Variants in SLCO1C1 observed in about 807,000 individuals in gnomAD.
SLCO1C1 encodes the protein solute carrier organic anion transporter family member 1C1, also known as OAT-RP-5.
A neutral mutation model predicts 76.4 loss-of-function variants in SLCO1C1; 70 were observed. The observed-to-expected ratio is 0.92, with a 90% CI of 0.76 to 1.12. The LOEUF (loss-of-function observed/expected upper bound fraction) is 1.12, where lower values mean the gene tolerates loss of function less well. Ranked by LOEUF, SLCO1C1 falls within the 50% of genes most tolerant of loss-of-function variation. SLCO1C1 has a pLI of 0.00. For synonymous variants in SLCO1C1, 306 were observed against 286.1 expected (o/e 1.07, Z -0.70); for missense variants, 912 against 823.8 (o/e 1.11, Z -1.31).
intron 14 of SLCO1C1, 133 bp downstream of exon 14, chr12:20,750,925 T>A: frequency 1.3e-6 from 2 of 1,528,644 alleles, no homozygotes; most frequent in Non-Finnish European, 1.8e-6. Context: ...AAAAGTGTGA[T>A]CTGTAGTCAT....
In SLCO1C1 at chr12:20,723,199, AAAG is replaced by A. The variant is rs761957914; in HGVS notation, c.1132_1134del (p.Lys378del). 21 of 1,614,134 alleles carry A rather than the reference AAAG, an allele frequency of 1.3e-5. No individual in the cohort carries two copies. In the East Asian group the frequency reaches 2.5e-4, roughly 19 times the overall value. ...TGTTCGGCATGGTGACGTACAAACC[AAAG>A]TACATTGAGCAGCAGTATGGACAGT... On this transcript the variant is annotated inframe_deletion, in exon 9 of 15. Transcript: ENST00000266509.
At chr12:20,696,975 A>G (rs371690186) in intron 1 of SLCO1C1, 2 of 152,106 alleles carry the variant, frequency 1.3e-5, no homozygotes, top group South Asian at 2.1e-4. Context: ...TGAGATGACT[A>G]TATTTATATT....
chr12:20,728,788 A>G (rs960174135), intron 9 of SLCO1C1, among the ~76,000 whole-genome samples: 3 of 152,042 alleles, frequency 2.0e-5, no homozygotes, highest in Admixed American at 1.3e-4. Flanking sequence ...CATTTTACAC[A>G]TCCTTCATAA....
In SLCO1C1 at chr12:20,740,238, T is replaced by A; in HGVS notation, c.1603T>A (p.Ser535Thr). ...GIAASKSGNS[S>T]GIVGRCQKDN... Reference sequence around the variant, plus strand: ...TGCAGCTTCTAAATCCGGAAATTCCTCAGGCATAGTGGGAAGATGTCAGAA... The same window carrying A: ...TGCAGCTTCTAAATCCGGAAATTCCACAGGCATAGTGGGAAGATGTCAGAA... Residue 535 changes from serine (S) to threonine (T), a missense_variant, in exon 12 of 15, where the codon TCA becomes ACA. Ser to Thr is a moderately conservative substitution (Grantham distance 58). Transcript: ENST00000266509. 6.2e-7 allele frequency: 1 copy of A among 1,613,708 alleles called. No homozygotes were observed. Among genetic ancestry groups the A allele is most frequent in the South Asian group, 1.1e-5 (1 of 90,964 alleles).
Position 20,732,952 on chromosome 12 carries a change from G to A in SLCO1C1, c.1230G>A (p.Gly410=). Residue 410 remains glycine (G), a synonymous_variant, in exon 10 of 15, where the codon GGG becomes GGA. Transcript: ENST00000266509. ...CAGTGGCCCTTGGAATATTCTCTGG[G>A]GGGATAGTTATGAAAAAATTCAGAA... ...IPAVALGIFS[G]GIVMKKFRIS... is the part of the protein sequence containing the mutation. 1 of 1,613,986 alleles carries A rather than the reference G, an allele frequency of 6.2e-7. No individual in the cohort carries two copies. The highest frequency in any genetic ancestry group is 8.5e-7 in the Non-Finnish European group (1 of 1,179,952).
At chr12:20,717,625 C>T (rs1293657373) in intron 7 of SLCO1C1, among the ~76,000 whole-genome samples, 6 of 105,892 alleles carry the variant, frequency 5.7e-5, no homozygotes, top group Admixed American at 2.5e-4. Context: ...GATTTAAAGT[C>T]TACTGGCAAC....
At chr12:20,729,585 G>T (rs1000270200) in intron 9 of SLCO1C1, among the ~76,000 whole-genome samples, 2 of 151,862 alleles carry the variant, frequency 1.3e-5, no homozygotes, top group African/African-American at 4.8e-5. Flanking sequence ...TGATGACCAA[G>T]TTTTGAGCCC....
At chr12:20,703,606 A>G (rs983493194) in intron 3 of SLCO1C1, among the ~76,000 whole-genome samples, 4 of 151,870 alleles carry the variant, frequency 2.6e-5, no homozygotes, top group Non-Finnish European at 4.4e-5. Flanking sequence ...TTTTCCTAAC[A>G]TAAATCAATG....
intron 14 of SLCO1C1, 26 bp downstream of exon 14, chr12:20,750,818 T>C: frequency 6.2e-7 from 1 of 1,613,940 alleles, no homozygotes; most frequent in Non-Finnish European, 8.5e-7. Flanking sequence ...CATTCCCGCA[T>C]CTCATTGCTA....
chr12:20,737,116 T>C lies in SLCO1C1; in HGVS notation c.1392T>C (p.Pro464=), dbSNP rs771913678. 46 of 1,521,914 alleles carry C rather than the reference T, an allele frequency of 3.0e-5. No individual in the cohort carries two copies. The Admixed American group carries it at 6.6e-4, about 22-fold the overall frequency. The allele number at this position is 1,521,914 out of a possible 1,614,324, so 94.3% of individuals were successfully genotyped here. The change falls in exon 11 of 15, where the codon CCT becomes CCC. Residue 464 remains proline, a synonymous_variant. Coordinates refer to ENST00000266509, the MANE Select transcript of SLCO1C1 (RefSeq NM_017435.5). ...GLTVSYQGTK[P]VSYHERALFS... ...TTATATTTCTTTTCAGAACCAAACC[T>C]GTCTCTTATCATGAACGAGCTCTCT...
At chr12:20,724,405 GTGTGTGTATATATATATATATATATATA>G (rs1204040694) in intron 9 of SLCO1C1, among the ~76,000 whole-genome samples, 82 of 29,576 alleles carry the variant, frequency 2.8e-3, no homozygotes, top group African/African-American at 6.0e-3. Flanking sequence ...GTGTGTGTGT[GTGTGTGTATATATATATATATATATATA>G]TATATATATA....
At chr12:20,740,885 T>C (rs1948787313) in intron 12 of SLCO1C1, among the ~76,000 whole-genome samples, 1 of 147,588 alleles carries the variant, frequency 6.8e-6, no homozygotes, top group South Asian at 2.2e-4. Flanking sequence ...TTTGGGTAAA[T>C]TGAGGCTCCT....
intron 12 of SLCO1C1, among the ~76,000 whole-genome samples, chr12:20,741,540 A>G (rs1948816581): frequency 6.6e-6 from 1 of 152,174 alleles, no homozygotes; most frequent in African/African-American, 2.4e-5. Flanking sequence ...GAATTGTATA[A>G]CAACTACTTT....
At chr12:20,725,222 T>C (rs1947912906) in intron 9 of SLCO1C1, among the ~76,000 whole-genome samples, 1 of 137,286 alleles carries the variant, frequency 7.3e-6, no homozygotes, top group Non-Finnish European at 1.5e-5. Flanking sequence ...ATAATTATAG[T>C]TAAAGAAAGA....
At chr12:20,701,526 C>T (rs983439510) in intron 3 of SLCO1C1, 67 bp downstream of exon 3, 26 of 1,217,880 alleles carry the variant, frequency 2.1e-5, no homozygotes, top group Admixed American at 2.7e-5. Context: ...TAAAGAACAC[C>T]TTCTGCATTC....
At chr12:20,709,025 C>T (rs1390647841) in intron 4 of SLCO1C1, among the ~76,000 whole-genome samples, 1 of 152,162 alleles carries the variant, frequency 6.6e-6, no homozygotes, top group African/African-American at 2.4e-5. Context: ...ATGGATTACA[C>T]TGACTGCTGC....
At chr12:20,698,161 CTG>C (rs1183720407) in intron 1 of SLCO1C1, among the ~76,000 whole-genome samples, 8 of 151,914 alleles carry the variant, frequency 5.3e-5, no homozygotes, top group South Asian at 2.1e-4. Flanking sequence ...TCCTAAATAT[CTG>C]TGTTTTATCT....
intron 4 of SLCO1C1, 104 bp from the exon 5 acceptor site, chr12:20,711,282 C>T (rs764659604): frequency 1.5e-6 from 2 of 1,309,754 alleles, no homozygotes; most frequent in South Asian, 1.5e-5. Context: ...TCAGAGACAG[C>T]TGCAAGCTCA....
intron 1 of SLCO1C1, 29 bp from the exon 2 acceptor site, chr12:20,699,523 A>G: frequency 2.0e-6 from 3 of 1,512,104 alleles, no homozygotes; most frequent in Non-Finnish European, 2.6e-6. Context: ...GTATTTATTT[A>G]TTTTTACTTT....
Sources: allele counts gnomAD v4.1 joint callset (sites outside exome capture counted in the v4.1 genomes callset), GRCh38; gene constraint gnomAD v4.1.1; transcripts MANE v1.5; gene names NCBI Gene and HGNC (gene_info 2026-07-23, HGNC 2026-07-21).